CAPZA1: variants seen among roughly 807,000 people sequenced by gnomAD.
CAPZA1 encodes the protein capping actin protein of muscle Z-line subunit alpha 1.
CAPZA1 carries 10 observed loss-of-function variants against 40.8 expected under a neutral mutation model. The ratio of observed to expected loss-of-function variants is 0.25; its 90% CI spans 0.15 to 0.42. The LOEUF (loss-of-function observed/expected upper bound fraction) is 0.42, where lower values mean the gene tolerates loss of function less well. Ranked by LOEUF, CAPZA1 falls within the 10% of genes least tolerant of loss-of-function variation. The pLI, the probability that CAPZA1 is intolerant of heterozygous loss-of-function variation, is 1.00. For synonymous variants in CAPZA1, 98 were observed against 115.0 expected (o/e 0.85, Z 0.95); for missense variants, 277 against 353.8 (o/e 0.78, Z 1.74).
At chr1:112,656,440 A>ATTTTTTTTTTTT (rs56343358) in intron 5 of CAPZA1, among the ~76,000 whole-genome samples, 2 of 45,768 alleles carry the variant, frequency 4.4e-5, no homozygotes, top group African/African-American at 8.7e-5. Flanking sequence ...ATTATGTTTG[A>ATTTTTTTTTTTT]TTTTTTTTTT....
rs1244553976 is a variant in CAPZA1 at position 112,650,267 on chromosome 1, AT to A, written c.155+799del. Among the ~76,000 whole-genome samples, 6 of 152,344 alleles carry A rather than the reference AT, an allele frequency of 3.9e-5. No homozygotes were observed. The South Asian group carries it at 1.0e-3, about 26-fold the overall frequency. The stretch of plus-strand genomic sequence containing the variant: ...TATATAATTGGTTTAGATTTTAGCC[AT>A]AGAAAACAGTTGTAAGAGCTGCTGC... On this transcript the variant is annotated intron_variant, in intron 3 of 9. Coordinates refer to ENST00000263168, the MANE Select transcript of CAPZA1 (RefSeq NM_006135.3).
At chr1:112,622,725 A>G (rs1243532354) in intron 1 of CAPZA1, among the ~76,000 whole-genome samples, 1 of 152,220 alleles carries the variant, frequency 6.6e-6, no homozygotes, top group Non-Finnish European at 1.5e-5. Context: ...AGTTTTCAGT[A>G]TTAAGAAAAA....
chr1:112,636,528 T>C (rs1203569937), intron 1 of CAPZA1, among the ~76,000 whole-genome samples: 1 of 152,170 alleles, frequency 6.6e-6, no homozygotes, highest in Non-Finnish European at 1.5e-5. Flanking sequence ...TTTAAAATAT[T>C]CAAGGAGTTA....
intron 1 of CAPZA1, among the ~76,000 whole-genome samples, chr1:112,644,847 C>T (rs966873883): frequency 8.6e-5 from 13 of 152,014 alleles, no homozygotes; most frequent in Admixed American, 5.9e-4. Flanking sequence ...ATTGGTATTG[C>T]CAAATGCCAA....
intron 1 of CAPZA1, among the ~76,000 whole-genome samples, chr1:112,624,232 A>C (rs1487787248): frequency 1.3e-5 from 2 of 152,122 alleles, no homozygotes; most frequent in African/African-American, 4.8e-5. Flanking sequence ...TTATGTAGCC[A>C]TGCTTTTTTC....
intron 1 of CAPZA1, among the ~76,000 whole-genome samples, chr1:112,623,207 A>G (rs988952725): frequency 1.3e-5 from 2 of 152,086 alleles, no homozygotes; most frequent in African/African-American, 4.8e-5. Flanking sequence ...TTTAAACTGG[A>G]TCCTTGATTA....
At chr1:112,659,861 A>G in intron 7 of CAPZA1, 82 bp downstream of exon 7, 1 of 1,004,124 alleles carries the variant, frequency 1.0e-6, no homozygotes, top group Non-Finnish European at 1.5e-6. Flanking sequence ...AATAAGGACC[A>G]AGTATGTGTA....
chr1:112,650,177 G>A (rs916210563), intron 3 of CAPZA1, among the ~76,000 whole-genome samples: 3 of 152,084 alleles, frequency 2.0e-5, no homozygotes, highest in African/African-American at 7.2e-5. Flanking sequence ...GTAGGGATGG[G>A]GAGACAGGAC....
chr1:112,650,881 T>A (rs1557734024), intron 3 of CAPZA1, among the ~76,000 whole-genome samples: 1 of 152,216 alleles, frequency 6.6e-6, no homozygotes, highest in Non-Finnish European at 1.5e-5. Flanking sequence ...TCATTTTCTT[T>A]AATTGCACTG....
At chr1:112,638,555 TC>T (rs1360110758) in intron 1 of CAPZA1, among the ~76,000 whole-genome samples, 1 of 151,090 alleles carries the variant, frequency 6.6e-6, no homozygotes, top group Non-Finnish European at 1.5e-5. Flanking sequence ...CCTCAATTGA[TC>T]CACCCACCTC....
At chr1:112,659,860 C>A in intron 7 of CAPZA1, 81 bp downstream of exon 7, 1 of 1,023,024 alleles carries the variant, frequency 9.8e-7, no homozygotes, top group Non-Finnish European at 1.5e-6. Flanking sequence ...AAATAAGGAC[C>A]AAGTATGTGT....
intron 1 of CAPZA1, among the ~76,000 whole-genome samples, chr1:112,634,240 TG>T (rs1670976201): frequency 6.6e-6 from 1 of 152,202 alleles, no homozygotes. Context: ...TGAATACTTT[TG>T]GAATGGGTTA....
In CAPZA1 at chr1:112,647,204, C is replaced by T. The variant is rs746373555; in HGVS notation, c.40-6C>T. 6.1e-6 allele frequency: 9 copies of T among 1,475,678 alleles called. No homozygotes were observed. Among genetic ancestry groups the T allele is most frequent in the Non-Finnish European group, 8.2e-6 (9 of 1,094,808 alleles). 91.4% of individuals were successfully genotyped at this position (1,475,678 alleles called of 1,614,324 possible). ...TCTCCTAAGTGTAAATTTTGTTTCT[C>T]TTTAGGTACGCATAGCTGCTAAATT... On this transcript the variant is annotated splice_region_variant and splice_polypyrimidine_tract_variant and intron_variant, in intron 1 of 9. Coordinates refer to ENST00000263168, the MANE Select transcript of CAPZA1 (RefSeq NM_006135.3).
chr1:112,639,142 G>A (rs1380443728), intron 1 of CAPZA1, among the ~76,000 whole-genome samples: 1 of 151,784 alleles, frequency 6.6e-6, no homozygotes, highest in African/African-American at 2.4e-5. Flanking sequence ...GTAACTGTCA[G>A]GAAATAACAT....
At chr1:112,630,122 A>C (rs1670891611) in intron 1 of CAPZA1, among the ~76,000 whole-genome samples, 1 of 152,058 alleles carries the variant, frequency 6.6e-6, no homozygotes, top group Non-Finnish European at 1.5e-5. Context: ...GGCTTACTGC[A>C]ACCTCTGCCT....
At chr1:112,652,479 C>CAAAA (rs35996522) in intron 3 of CAPZA1, among the ~76,000 whole-genome samples, 1 of 73,380 alleles carries the variant, frequency 1.4e-5, no homozygotes, top group Non-Finnish European at 2.7e-5. Context: ...AACTCCATCT[C>CAAAA]AAAAAAAAAA....
At chr1:112,648,295 C>T (rs1483855951) in intron 2 of CAPZA1, among the ~76,000 whole-genome samples, 1 of 148,498 alleles carries the variant, frequency 6.7e-6, no homozygotes, top group African/African-American at 2.5e-5. Context: ...TTTACATTGA[C>T]TAAATGTAAA....
chr1:112,644,042 A>G (rs1297339369), intron 1 of CAPZA1, among the ~76,000 whole-genome samples: 1 of 151,482 alleles, frequency 6.6e-6, no homozygotes, highest in African/African-American at 2.4e-5. Flanking sequence ...ACAGGGTTTC[A>G]CCATGTTGGC....
chr1:112,659,041 A>T lies in CAPZA1; in HGVS notation c.446A>T (p.Asp149Val). ...GFCTVYAKTI[D>V]GQQTIIACIE... ...CAATAGGTTTATGCTAAAACTATCG[A>T]TGGGCAACAGACTATTATTGCATGT... The change falls in exon 6 of 10, where the codon GAT becomes GTT. Residue 149 changes from aspartate (D) to valine (V), a missense_variant. Asp to Val is a radical substitution (Grantham distance 152). Coordinates refer to ENST00000263168, the MANE Select transcript of CAPZA1 (RefSeq NM_006135.3). 1 of 1,613,298 alleles carries T rather than the reference A, an allele frequency of 6.2e-7. No individual in the cohort carries two copies. Among genetic ancestry groups the T allele is most frequent in the Non-Finnish European group, 8.5e-7 (1 of 1,179,364 alleles).
Sources: gnomAD v4.1 joint callset for allele counts (sites outside exome capture counted in the v4.1 genomes callset) on GRCh38, gnomAD v4.1.1 for gene constraint, MANE v1.5 for transcripts, NCBI Gene and HGNC (gene_info 2026-07-23, HGNC 2026-07-21) for gene names.